The following MFSD6 variants were observed in gnomAD, a reference collection of about 807,000 sequenced individuals.
MFSD6 encodes the protein major facilitator superfamily domain containing 6, also known as major facilitator superfamily domain-containing protein 6.
In MFSD6, 26 loss-of-function variants were observed where a neutral mutation model predicts 56.3. The ratio of observed to expected loss-of-function variants is 0.46; its 90% CI spans 0.34 to 0.64. The LOEUF (loss-of-function observed/expected upper bound fraction) is 0.64, where lower values mean the gene tolerates loss of function less well. MFSD6 is among the 30% of genes least tolerant of loss of function. The pLI, the probability that MFSD6 is intolerant of heterozygous loss-of-function variation, is 0.01. For missense variants in MFSD6, 750 were observed against 986.2 expected, an observed-to-expected ratio of 0.76 and a Z score of 3.21; for synonymous variants, 331 against 366.9, an observed-to-expected ratio of 0.90 and a Z score of 1.12.
In MFSD6 at chr2:190,424,217, G is replaced by T. The variant is rs2125009776; in HGVS notation, c.-54+8804G>T. Among the ~76,000 whole-genome samples the T allele has an allele frequency of 6.8e-6, 1 of 147,658 alleles. No homozygotes were observed. The highest frequency in any genetic ancestry group is 2.1e-4 in the South Asian group (1 of 4,712). On this transcript the variant is annotated intron_variant, in intron 2 of 7. Transcript: ENST00000392328. This position sits in a 1 kb window ranked among gnomAD's most constrained non-coding sequence, Gnocchi z 5.9. ...CTAAAAACTCTGCCTAGCACTAGAG[G>T]CTAAAGATTTTCTTCTTCTTTTTTT...
intron 4 of MFSD6, among the ~76,000 whole-genome samples, chr2:190,480,550 A>C (rs1426240986): frequency 6.6e-5 from 10 of 152,328 alleles, no homozygotes; most frequent in African/African-American, 2.4e-4. Flanking sequence ...CTGTAAAATC[A>C]CCCATGTATT....
At position 190,501,180 on chromosome 2, in the gene MFSD6, G is replaced by A. The variant is rs982826715; in HGVS notation, c.*962G>A. The stretch of plus-strand genomic sequence containing the variant: ...ACAAATCACAGTATAAGATTTAAGT[G>A]CCTGGGGGAAGGATACAATTTTTAG... On this transcript the variant is annotated 3_prime_UTR_variant, in exon 8 of 8. Transcript: ENST00000392328. The A allele has an allele frequency of 1.6e-4, 24 of 152,170 alleles. No homozygotes were observed. Among genetic ancestry groups the A allele is most frequent in the Admixed American group, 1.0e-3 (16 of 15,276 alleles). The allele number at this position is 152,170 out of a possible 1,614,324, so 9.4% of individuals were successfully genotyped here. A position where few individuals can be genotyped will look rare whatever the true frequency, so the allele number is the denominator to read the frequency against.
intron 4 of MFSD6, among the ~76,000 whole-genome samples, chr2:190,476,004 G>C (rs1446548954): frequency 1.3e-5 from 2 of 152,176 alleles, no homozygotes; most frequent in Non-Finnish European, 2.9e-5. Flanking sequence ...AAACTGGCTA[G>C]CCATATATAG....
intron 3 of MFSD6, among the ~76,000 whole-genome samples, chr2:190,449,886 A>T (rs185445868): frequency 1.3e-5 from 2 of 152,028 alleles, no homozygotes; most frequent in Non-Finnish European, 2.9e-5. Context: ...AGGGGGGAGG[A>T]ATAGCTTTAG....
rs554191393 is a variant in MFSD6 at position 190,412,073 on chromosome 2, A to G, written c.-175-3219A>G. On this transcript the variant is annotated intron_variant, in intron 1 of 7. Coordinates refer to ENST00000392328, the MANE Select transcript of MFSD6 (RefSeq NM_017694.4). The surrounding 1 kb of genome is among the most constrained non-coding windows in gnomAD (Gnocchi z 4.1). ...CAATTTAGGAGAAGCAAGTTATCAT[A>G]AAGTTAAACTAATCTGATGCATATG... 2.0e-4 allele frequency: 199 copies of G among 984,922 alleles called. No homozygotes were observed. The highest frequency in any genetic ancestry group is 2.3e-4 in the Non-Finnish European group (189 of 829,460). The allele number at this position is 984,922 out of a possible 1,614,324, so 61.0% of individuals were successfully genotyped here. A position where few individuals can be genotyped will look rare whatever the true frequency, so the allele number is the denominator to read the frequency against.
In MFSD6 at chr2:190,497,479, T is replaced by G; in HGVS notation, c.1932T>G (p.Ser644Arg). The G allele has an allele frequency of 6.2e-7, 1 of 1,614,142 alleles. No homozygotes were observed. The highest frequency in any genetic ancestry group is 8.5e-7 in the Non-Finnish European group (1 of 1,180,026). ...CAGAAAGAATTCCTGTTCCCTCCAG[T>G]CCCGTTCCTATAGCAACCATCGACT... ...MLAERIPVPS[S>R]PVPIATIDLV... Residue 644 changes from serine to arginine, a missense_variant, in exon 7 of 8, where the codon AGT becomes AGG. This residue lies in a region of MFSD6 where 172 missense variants were observed against 203.9 expected (regional missense o/e 0.84). Transcript: ENST00000392328. This position sits in a 1 kb window ranked among gnomAD's most constrained non-coding sequence, Gnocchi z 5.2.
intron 3 of MFSD6, among the ~76,000 whole-genome samples, chr2:190,449,176 T>G (rs6742904): frequency 0.22 from 34,036 of 152,028 alleles, 4,827 homozygotes; most frequent in South Asian, 0.33. Context: ...AAATGCATAG[T>G]ATGTTGTTAA....
chr2:190,479,782 A>G (rs2125194711), intron 4 of MFSD6, among the ~76,000 whole-genome samples: 1 of 152,334 alleles, frequency 6.6e-6, no homozygotes, highest in East Asian at 1.9e-4. Context: ...CTGAGGAGTG[A>G]AAACGAGGTC....
chr2:190,445,977 G>A (rs1363519052), intron 3 of MFSD6, among the ~76,000 whole-genome samples: 1 of 151,938 alleles, frequency 6.6e-6, no homozygotes. Flanking sequence ...ATTAAACTCT[G>A]GTACGAGGGG....
At chr2:190,430,498 G>A (rs1382195211) in intron 2 of MFSD6, among the ~76,000 whole-genome samples, 1 of 151,784 alleles carries the variant, frequency 6.6e-6, no homozygotes, top group East Asian at 1.9e-4. Flanking sequence ...CACAGCACAT[G>A]TTTCAGAGAG....
chr2:190,461,426 G>A lies in MFSD6; in HGVS notation c.1533-8332G>A, dbSNP rs1559124471. Among the ~76,000 whole-genome samples the A allele has an allele frequency of 1.3e-5, 2 of 152,162 alleles. No individual in the cohort carries two copies. Among genetic ancestry groups the A allele is most frequent in the South Asian group, 4.2e-4 (2 of 4,818 alleles). Reference sequence around the variant, plus strand: ...TGTTGTATCCTTTTAGAGATATTCTGTTCATATGTAAGTATGTAGCTGTAT... The same window carrying A: ...TGTTGTATCCTTTTAGAGATATTCTATTCATATGTAAGTATGTAGCTGTAT... On this transcript the variant is annotated intron_variant, in intron 3 of 7. Transcript: ENST00000392328. The surrounding 1 kb of genome is among the most constrained non-coding windows in gnomAD (Gnocchi z 5.5).
intron 1 of MFSD6, among the ~76,000 whole-genome samples, chr2:190,408,966 AAGG>A (rs1690439127): frequency 6.6e-6 from 1 of 152,188 alleles, no homozygotes; most frequent in African/African-American, 2.4e-5. Context: ...CCCTGGGAAA[AAGG>A]AGGAGGTGAG....
rs867694441 is a variant in MFSD6, at chr2:190,424,417, C to G, written c.-54+9004C>G. On this transcript the variant is annotated intron_variant, in intron 2 of 7. Transcript: ENST00000392328. This position sits in a 1 kb window ranked among gnomAD's most constrained non-coding sequence, Gnocchi z 5.9. The stretch of plus-strand genomic sequence containing the variant: ...ATGGCTCTGTCTCGGCTCACTGCAA[C>G]CTCCGCCTCCCAGGTTCAAGTGATT... Among the ~76,000 whole-genome samples the G allele has an allele frequency of 1.3e-5, 2 of 151,964 alleles. No individual in the cohort carries two copies. The highest frequency in any genetic ancestry group is 4.8e-5 in the African/African-American group (2 of 41,344).
At position 190,456,701 on chromosome 2, in the gene MFSD6, C is replaced by T. The variant is rs1297797013; in HGVS notation, c.1533-13057C>T. Among the ~76,000 whole-genome samples the T allele has an allele frequency of 6.6e-6, 1 of 152,228 alleles. No individual in the cohort carries two copies. Among genetic ancestry groups the T allele is most frequent in the Non-Finnish European group, 1.5e-5 (1 of 68,044 alleles). On this transcript the variant is annotated intron_variant, in intron 3 of 7. Transcript: ENST00000392328. The surrounding 1 kb of genome is among the most constrained non-coding windows in gnomAD (Gnocchi z 5.4). ...GCATCCACTTCTGATTATTTAAAGTCTGCCTGCTTGATACAGCTCATGTCC... is the reference window on the plus strand; with the variant it reads ...GCATCCACTTCTGATTATTTAAAGTTTGCCTGCTTGATACAGCTCATGTCC...
At chr2:190,483,182 G>A (rs1395186312) in intron 4 of MFSD6, among the ~76,000 whole-genome samples, 1 of 151,916 alleles carries the variant, frequency 6.6e-6, no homozygotes, top group African/African-American at 2.4e-5. Context: ...GTGAGCCACC[G>A]CGCCCGGCCG....
Position 190,431,299 on chromosome 2 carries a change from G to A in MFSD6, c.-53-4678G>A, listed in dbSNP as rs1052596956. On this transcript the variant is annotated intron_variant, in intron 2 of 7. Transcript: ENST00000392328. This position sits in a 1 kb window ranked among gnomAD's most constrained non-coding sequence, Gnocchi z 4.4. ...AGAGACGCTCCTCACTTCCCAGACG[G>A]GGTGGCGGCCGGGCAGAGGCTGCAA... is the stretch of plus-strand genomic sequence containing the variant. Among the ~76,000 whole-genome samples the A allele has an allele frequency of 2.8e-4, 43 of 152,166 alleles. No homozygotes were observed. The highest frequency in any genetic ancestry group is 9.6e-4 in the African/African-American group (40 of 41,454).
rs764402307 is a variant in MFSD6 at position 190,489,975 on chromosome 2, G to A, written c.1891+109G>A. The A allele has an allele frequency of 4.0e-5, 35 of 879,824 alleles. No individual in the cohort carries two copies. The highest frequency in any genetic ancestry group is 5.6e-5 in the Non-Finnish European group (33 of 593,920). 54.5% of individuals were successfully genotyped at this position (879,824 alleles called of 1,614,324 possible). ...TACAGAGTATACAACAGGTCTGTTT[G>A]GCTCAATTTTCTGAGTGGCGTATCG... is the stretch of plus-strand genomic sequence containing the variant. On this transcript the variant is annotated intron_variant, in intron 6 of 7. Transcript: ENST00000392328. This position sits in a 1 kb window ranked among gnomAD's most constrained non-coding sequence, Gnocchi z 6.6.
chr2:190,448,282 T>A (rs1686655143), intron 3 of MFSD6, among the ~76,000 whole-genome samples: 1 of 152,218 alleles, frequency 6.6e-6, no homozygotes, highest in Non-Finnish European at 1.5e-5. Context: ...ATACTCCCTA[T>A]GGCCTAAAAA....
chr2:190,429,914 G>A (rs981486445), intron 2 of MFSD6, among the ~76,000 whole-genome samples: 7 of 151,728 alleles, frequency 4.6e-5, no homozygotes, highest in Non-Finnish European at 8.8e-5. Context: ...TGATACATAT[G>A]TATACATGTG....
Sources: gnomAD v4.1 joint callset for allele counts (sites outside exome capture counted in the v4.1 genomes callset) on GRCh38, gnomAD v4.1.1 for gene constraint, gnomAD v4.1.1 regional missense constraint, Gnocchi (gnomAD v3.1) non-coding constraint, MANE v1.5 for transcripts, NCBI Gene and HGNC (gene_info 2026-07-23, HGNC 2026-07-21) for gene names.